Variants in PLPPR1 observed in about 807,000 individuals in gnomAD.
PLPPR1 encodes phospholipid phosphatase related 1.
PLPPR1 carries 10 observed loss-of-function variants against 33.1 expected under a neutral mutation model. That is an observed-to-expected ratio of 0.30 (90% CI 0.19 to 0.51). The LOEUF is 0.51. Ranked by LOEUF, PLPPR1 falls within the 20% of genes least tolerant of loss-of-function variation. PLPPR1 has a pLI of 0.97. For synonymous variants in PLPPR1, 151 were observed against 151.0 expected, an observed-to-expected ratio of 1.00 and a Z score of 0.00; for missense variants, 304 against 408.1, an observed-to-expected ratio of 0.74 and a Z score of 2.20.
At chr9:101,045,232 G>A (rs552756757) in intron 1 of PLPPR1, among the ~76,000 whole-genome samples, 3 of 152,314 alleles carry the variant, frequency 2.0e-5, no homozygotes, top group South Asian at 2.1e-4. Flanking sequence ...ATTTTGACCC[G>A]AATCACTAGG....
At chr9:101,128,584 C>T (rs1434372424) in intron 1 of PLPPR1, among the ~76,000 whole-genome samples, 1 of 152,148 alleles carries the variant, frequency 6.6e-6, no homozygotes, top group Non-Finnish European at 1.5e-5. Flanking sequence ...GCAGGTTTAA[C>T]ATGACAGGAG....
chr9:101,088,598 T>C (rs1036776595), intron 1 of PLPPR1, among the ~76,000 whole-genome samples: 1 of 152,122 alleles, frequency 6.6e-6, no homozygotes, highest in Non-Finnish European at 1.5e-5. Flanking sequence ...TTCTGTAATA[T>C]TGAGCAACTG....
chr9:101,245,591 A>T (rs1827577368), intron 2 of PLPPR1, among the ~76,000 whole-genome samples: 1 of 151,912 alleles, frequency 6.6e-6, no homozygotes, highest in Admixed American at 6.6e-5. Context: ...TACACTATAT[A>T]TTTTTTCTAG....
intron 3 of PLPPR1, among the ~76,000 whole-genome samples, chr9:101,270,807 C>T (rs1215643661): frequency 6.6e-6 from 1 of 151,940 alleles, no homozygotes; most frequent in Non-Finnish European, 1.5e-5. Context: ...AGTGTTTCTG[C>T]CTAAATATGC....
intron 2 of PLPPR1, among the ~76,000 whole-genome samples, chr9:101,243,449 A>G (rs1827520396): frequency 6.6e-6 from 1 of 151,998 alleles, no homozygotes; most frequent in African/African-American, 2.4e-5. Context: ...GAGTCATATT[A>G]AGAATATTAA....
intron 2 of PLPPR1, among the ~76,000 whole-genome samples, chr9:101,215,566 G>A (rs1335248091): frequency 2.6e-5 from 4 of 152,252 alleles, no homozygotes; most frequent in Admixed American, 2.0e-4. Flanking sequence ...ACCGCGCCCA[G>A]CTGGCCTCAT....
intron 3 of PLPPR1, among the ~76,000 whole-genome samples, chr9:101,283,961 AT>A (rs1828345702): frequency 1.3e-5 from 2 of 152,194 alleles, no homozygotes; most frequent in Admixed American, 6.5e-5. Context: ...AATGGCTATT[AT>A]CAAAAGATGA....
At position 101,113,874 on chromosome 9, in the gene PLPPR1, G is replaced by A. The variant is rs117434982; in HGVS notation, c.-45-71576G>A. Among the ~76,000 whole-genome samples, 388 of 152,220 alleles carry A rather than the reference G, an allele frequency of 2.5e-3. 2 individuals are homozygous for A. Among genetic ancestry groups the A allele is most frequent in the Non-Finnish European group, 4.6e-3 (313 of 68,028 alleles). On this transcript the variant is annotated intron_variant, in intron 1 of 7. Transcript: ENST00000374874. Reference sequence around the variant, plus strand: ...GTTGCAGAATTGTGCAGAAGTCTCTGCCCAGCAATAAATGAAGGCAAACTT... The same window carrying A: ...GTTGCAGAATTGTGCAGAAGTCTCTACCCAGCAATAAATGAAGGCAAACTT...
At chr9:101,171,665 C>T (rs1240909571) in intron 1 of PLPPR1, among the ~76,000 whole-genome samples, 1 of 152,152 alleles carries the variant, frequency 6.6e-6, no homozygotes, top group Non-Finnish European at 1.5e-5. Context: ...AATCCCACAT[C>T]ATCTATTGGT....
In PLPPR1 at chr9:101,312,939, G is replaced by A. The variant is rs199633082; in HGVS notation, c.778G>A (p.Gly260Ser). ...YRNHCSDVIA[G>S]FILGTAVALF... ...GAACCACTGCTCGGACGTGATTGCT[G>A]GTTTCATCCTGGGCACTGCAGTGGC... is the stretch of plus-strand genomic sequence containing the variant. The change falls in exon 6 of 8, where the codon GGT (glycine) becomes AGT (serine). Residue 260 changes from glycine to serine, a missense_variant. Physicochemically the swap from Gly to Ser is moderately conservative, Grantham distance 56. Transcript: ENST00000374874. The A allele has an allele frequency of 1.2e-6, 2 of 1,614,156 alleles. No individual in the cohort carries two copies. Among genetic ancestry groups the A allele is most frequent in the Non-Finnish European group, 1.7e-6 (2 of 1,180,024 alleles).
At chr9:101,219,302 A>G (rs1826875355) in intron 2 of PLPPR1, among the ~76,000 whole-genome samples, 1 of 152,194 alleles carries the variant, frequency 6.6e-6, no homozygotes, top group African/African-American at 2.4e-5. Context: ...GGTACATAAC[A>G]CTGAATTCAC....
intron 3 of PLPPR1, among the ~76,000 whole-genome samples, chr9:101,270,666 C>T (rs776673301): frequency 5.3e-5 from 8 of 152,162 alleles, no homozygotes; most frequent in Non-Finnish European, 8.8e-5. Context: ...AAAAAATGGG[C>T]CACACAGTCC....
chr9:101,285,000 A>G (rs1828367787), intron 3 of PLPPR1, among the ~76,000 whole-genome samples: 1 of 152,154 alleles, frequency 6.6e-6, no homozygotes, highest in Non-Finnish European at 1.5e-5. Flanking sequence ...CACCATCCAT[A>G]TGCTTTGGAG....
chr9:101,155,572 T>C (rs538950818), intron 1 of PLPPR1, among the ~76,000 whole-genome samples: 97 of 151,868 alleles, frequency 6.4e-4, no homozygotes, highest in Non-Finnish European at 1.0e-3. Flanking sequence ...CATTGTTGCA[T>C]TGGGGACTAA....
intron 1 of PLPPR1, among the ~76,000 whole-genome samples, chr9:101,133,887 T>C (rs1831346514): frequency 6.6e-6 from 1 of 152,212 alleles, no homozygotes; most frequent in Non-Finnish European, 1.5e-5. Flanking sequence ...CTCTGAGTTT[T>C]GGCAAGTTGC....
intron 1 of PLPPR1, among the ~76,000 whole-genome samples, chr9:101,155,659 G>A (rs1453756678): frequency 2.6e-5 from 4 of 151,484 alleles, no homozygotes; most frequent in Non-Finnish European, 5.9e-5. Flanking sequence ...GAGTGCAGTG[G>A]TGCAGTCTTG....
intron 2 of PLPPR1, among the ~76,000 whole-genome samples, chr9:101,186,574 C>A (rs1277628414): frequency 6.6e-6 from 1 of 151,848 alleles, no homozygotes; most frequent in South Asian, 2.1e-4. Flanking sequence ...AATGTACTTT[C>A]AGTACATCTG....
At chr9:101,051,246 T>TTAC (rs35355458) in intron 1 of PLPPR1, among the ~76,000 whole-genome samples, 216 of 149,844 alleles carry the variant, frequency 1.4e-3, no homozygotes, top group East Asian at 8.4e-3. Context: ...CAATTCTTTG[T>TTAC]TACTACTACT....
intron 2 of PLPPR1, among the ~76,000 whole-genome samples, chr9:101,212,177 G>A (rs962590121): frequency 6.6e-6 from 1 of 152,006 alleles, no homozygotes; most frequent in Non-Finnish European, 1.5e-5. Context: ...CTGCTTCCTG[G>A]GTTCAAGTGA....
Sources: allele counts gnomAD v4.1 joint callset (sites outside exome capture counted in the v4.1 genomes callset), GRCh38; gene constraint gnomAD v4.1.1; transcripts MANE v1.5; gene names NCBI Gene and HGNC (gene_info 2026-07-23, HGNC 2026-07-21).